RASGEF1A: variants seen among roughly 807,000 people sequenced by gnomAD.
RASGEF1A encodes the protein RasGEF domain family member 1A.
In RASGEF1A, 18 loss-of-function variants were observed where a neutral mutation model predicts 56.4. That is an observed-to-expected ratio of 0.32 (90% CI 0.22 to 0.47). RASGEF1A has a LOEUF of 0.47. Among genes scored for constraint, RASGEF1A ranks in the 20% least tolerant of loss-of-function variants. The probability of loss-of-function intolerance (pLI) is 1.00; values close to 1 mark genes in which losing one functional copy is unlikely to be tolerated. For synonymous variants in RASGEF1A, 245 were observed against 242.6 expected, an observed-to-expected ratio of 1.01 and a Z score of -0.09; for missense variants, 422 against 627.1, an observed-to-expected ratio of 0.67 and a Z score of 3.49.
At chr10:43,203,571 C>T (rs1839945568) in intron 2 of RASGEF1A, 151 bp from the exon 3 acceptor site, 1 of 1,325,514 alleles carries the variant, frequency 7.5e-7, no homozygotes, top group Non-Finnish European at 1.0e-6. Context: ...CTTCGCCTTG[C>T]AGGCCCTTCC....
At chr10:43,230,591 G>C (rs1041095342) in intron 1 of RASGEF1A, among the ~76,000 whole-genome samples, 1 of 152,134 alleles carries the variant, frequency 6.6e-6, no homozygotes, top group Non-Finnish European at 1.5e-5. Context: ...CGAGTTGGCC[G>C]GCGGGGCGGC....
At chr10:43,219,416 G>C (rs866790312) in intron 1 of RASGEF1A, among the ~76,000 whole-genome samples, 13 of 152,186 alleles carry the variant, frequency 8.5e-5, no homozygotes, top group Non-Finnish European at 1.5e-4. Flanking sequence ...TCCACCCCAA[G>C]TGAAATCACC....
intron 1 of RASGEF1A, among the ~76,000 whole-genome samples, chr10:43,238,171 C>A (rs2900654): frequency 5.5e-5 from 2 of 36,170 alleles, no homozygotes; most frequent in African/African-American, 2.6e-4. Flanking sequence ...ACCTGCCCCT[C>A]AGGAGGGTTA....
intron 1 of RASGEF1A, among the ~76,000 whole-genome samples, chr10:43,212,849 TC>T (rs201535953): frequency 2.0e-5 from 3 of 151,800 alleles, no homozygotes; most frequent in African/African-American, 7.3e-5. Flanking sequence ...TATTCACAGC[TC>T]CCCCCACAAC....
chr10:43,252,142 C>A (rs1840633611), intron 1 of RASGEF1A, among the ~76,000 whole-genome samples: 1 of 152,220 alleles, frequency 6.6e-6, no homozygotes. Context: ...CCCCCAGAAG[C>A]AGAGGGGGCT....
chr10:43,266,537 T>C (rs1050075719), intron 1 of RASGEF1A, among the ~76,000 whole-genome samples: 5 of 150,600 alleles, frequency 3.3e-5, no homozygotes, highest in African/African-American at 1.2e-4. Context: ...CGTGCGCTCC[T>C]GCCACGCCCG....
intron 1 of RASGEF1A, among the ~76,000 whole-genome samples, chr10:43,265,438 C>A (rs1564546879): frequency 6.6e-6 from 1 of 152,198 alleles, no homozygotes; most frequent in Non-Finnish European, 1.5e-5. Flanking sequence ...GGAGTGTGGG[C>A]CTGCTGCACC....
At chr10:43,220,130 C>T (rs938068621) in intron 1 of RASGEF1A, among the ~76,000 whole-genome samples, 3 of 152,178 alleles carry the variant, frequency 2.0e-5, no homozygotes, top group Admixed American at 6.5e-5. Flanking sequence ...GGCTGGTAAC[C>T]GGTGGTTAGA....
chr10:43,214,179 G>T (rs1840104379), intron 1 of RASGEF1A, among the ~76,000 whole-genome samples: 2 of 152,176 alleles, frequency 1.3e-5, no homozygotes, highest in South Asian at 2.1e-4. Flanking sequence ...TACGATGGAG[G>T]CCCAGCAGCT....
intron 1 of RASGEF1A, among the ~76,000 whole-genome samples, chr10:43,230,562 C>T (rs1249558932): frequency 6.6e-6 from 1 of 150,968 alleles, no homozygotes; most frequent in Non-Finnish European, 1.5e-5. Context: ...TGAGAGACCC[C>T]TTGGGCTCTG....
chr10:43,213,571 G>C (rs1187930704), intron 1 of RASGEF1A, among the ~76,000 whole-genome samples: 1 of 152,178 alleles, frequency 6.6e-6, no homozygotes, highest in Non-Finnish European at 1.5e-5. Flanking sequence ...AAGTTTTTGT[G>C]AAAGAGTACG....
intron 1 of RASGEF1A, among the ~76,000 whole-genome samples, chr10:43,262,509 C>T (rs945512635): frequency 2.0e-4 from 30 of 152,240 alleles, no homozygotes; most frequent in African/African-American, 7.2e-4. Context: ...CAACGTGGCC[C>T]AGGCCAGGCA....
In RASGEF1A at chr10:43,196,875, C is replaced by A. The variant is rs1588923829; in HGVS notation, c.1348+101G>T. On this transcript the variant is annotated intron_variant, in intron 11 of 12. Transcript: ENST00000395810. The surrounding 1 kb of genome is among the most constrained non-coding windows in gnomAD (Gnocchi z 4.6). ...AGAGCCAGCCCTGTGTGGCATGGAG[C>A]AGCCAGCAGGCCATCTCCCAGGGCA... 1 of 1,423,314 alleles carries A rather than the reference C, an allele frequency of 7.0e-7. No individual in the cohort carries two copies. The highest frequency in any genetic ancestry group is 2.3e-5 in the East Asian group (1 of 43,188). 88.2% of individuals were successfully genotyped at this position (1,423,314 alleles called of 1,614,324 possible).
intron 1 of RASGEF1A, among the ~76,000 whole-genome samples, chr10:43,225,003 AG>A (rs200072297): frequency 0.016 from 2,369 of 152,236 alleles, 68 homozygotes; most frequent in African/African-American, 0.054. Context: ...CAGTGGCAGT[AG>A]GGGAGGTGTG....
At chr10:43,228,591 G>A (rs1254545900) in intron 1 of RASGEF1A, among the ~76,000 whole-genome samples, 1 of 152,222 alleles carries the variant, frequency 6.6e-6, no homozygotes, top group African/African-American at 2.4e-5. Flanking sequence ...AGTGGAAACT[G>A]CACCATGTTG....
rs753375542 is a variant in RASGEF1A at position 43,198,137 on chromosome 10, G to A, written c.1091C>T (p.Thr364Met). The A allele has an allele frequency of 4.3e-5, 69 of 1,614,032 alleles. No homozygotes were observed. Among genetic ancestry groups the A allele is most frequent in the African/African-American group, 5.3e-5 (4 of 74,942 alleles). The change falls in exon 10 of 13, where the codon ACG becomes ATG. Residue 364 changes from threonine to methionine, a missense_variant. By Grantham distance (81) the Thr-to-Met change is moderately conservative (BLOSUM62 -1). Transcript: ENST00000395810. The part of the protein sequence containing the change: ...CNYRTALQGA[T>M]QRSQMANSSR... ...GCTGTTGGCCATCTGGGACCTCTGC[G>A]TGGCCCCCTGCAGGGCTGTACGGTA...
chr10:43,229,213 T>C (rs886174919), intron 1 of RASGEF1A, among the ~76,000 whole-genome samples: 1 of 152,170 alleles, frequency 6.6e-6, no homozygotes, highest in Non-Finnish European at 1.5e-5. Flanking sequence ...CCCTCCCATG[T>C]GCCGTGAATA....
At chr10:43,227,086 A>G (rs2133206854) in intron 1 of RASGEF1A, among the ~76,000 whole-genome samples, 1 of 152,322 alleles carries the variant, frequency 6.6e-6, no homozygotes, top group Middle Eastern at 3.4e-3. Flanking sequence ...GGGGTTTTCC[A>G]GTGGGTTAAG....
rs545691331 is a variant in RASGEF1A, at chr10:43,214,739, C to A, written c.-6-8617G>T. On this transcript the variant is annotated intron_variant, in intron 1 of 12. Coordinates refer to ENST00000395810, the MANE Select transcript of RASGEF1A (RefSeq NM_145313.4). Reference sequence around the variant, plus strand: ...CTTCTGGATCCTGGAGTCTGCAGTTCTGGAAACTTCCAAAGCAGGGATTAA... The same window carrying A: ...CTTCTGGATCCTGGAGTCTGCAGTTATGGAAACTTCCAAAGCAGGGATTAA... Among the ~76,000 whole-genome samples the A allele has an allele frequency of 3.9e-5, 6 of 152,362 alleles. No homozygotes were observed. The South Asian group carries it at 1.2e-3, about 32-fold the overall frequency.
Sources: allele counts gnomAD v4.1 joint callset (sites outside exome capture counted in the v4.1 genomes callset), GRCh38; gene constraint gnomAD v4.1.1; non-coding constraint Gnocchi (gnomAD v3.1); transcripts MANE v1.5; gene names NCBI Gene and HGNC (gene_info 2026-07-23, HGNC 2026-07-21).